The following BICC1 variants were observed in gnomAD, a reference collection of about 807,000 sequenced individuals.
BICC1 encodes the protein protein bicaudal C homolog 1.
A neutral mutation model predicts 111.0 loss-of-function variants in BICC1; 43 were observed. The ratio of observed to expected loss-of-function variants is 0.39; its 90% CI spans 0.30 to 0.50. The LOEUF is 0.50. BICC1 is among the 20% of genes least tolerant of loss of function. BICC1 has a pLI of 0.88. For synonymous variants in BICC1, 467 were observed against 434.4 expected (o/e 1.07, Z -0.93); for missense variants, 1,091 against 1,203.2 (o/e 0.91, Z 1.38).
At chr10:58,783,300 A>G (rs980783482) in intron 3 of BICC1, among the ~76,000 whole-genome samples, 2 of 152,164 alleles carry the variant, frequency 1.3e-5, no homozygotes, top group African/African-American at 4.8e-5. Flanking sequence ...AGCTTGGTGC[A>G]CTGTTATTAA....
At chr10:58,769,188 A>G (rs1201383633) in intron 3 of BICC1, among the ~76,000 whole-genome samples, 1 of 151,772 alleles carries the variant, frequency 6.6e-6, no homozygotes, top group Non-Finnish European at 1.5e-5. Flanking sequence ...CATTTATAAG[A>G]TGAATAAATT....
chr10:58,682,431 AG>A (rs1172206301), intron 2 of BICC1, among the ~76,000 whole-genome samples: 1 of 152,206 alleles, frequency 6.6e-6, no homozygotes, highest in Non-Finnish European at 1.5e-5. Flanking sequence ...TAGATCCTTG[AG>A]GAATTGCCAC....
intron 2 of BICC1, among the ~76,000 whole-genome samples, chr10:58,651,367 C>T (rs896894591): frequency 3.3e-5 from 5 of 152,132 alleles, no homozygotes; most frequent in South Asian, 4.1e-4. Flanking sequence ...GAAAAACCGC[C>T]GGGGAAACTG....
intron 1 of BICC1, among the ~76,000 whole-genome samples, chr10:58,534,202 C>T (rs538062111): frequency 5.3e-5 from 8 of 151,630 alleles, no homozygotes; most frequent in Non-Finnish European, 8.9e-5. Flanking sequence ...CCCAAGATAG[C>T]AGATTGGAGG....
chr10:58,601,168 A>ATATATATATATATATATATC (rs1182289120), intron 1 of BICC1, among the ~76,000 whole-genome samples: 3 of 139,340 alleles, frequency 2.2e-5, no homozygotes, highest in South Asian at 2.3e-4. Context: ...ATATATATAT[A>ATATATATATATATATATATC]TATCTCCCAA....
chr10:58,566,031 G>A (rs987108135), intron 1 of BICC1, among the ~76,000 whole-genome samples: 6 of 151,950 alleles, frequency 3.9e-5, no homozygotes, highest in African/African-American at 1.4e-4. Context: ...ATCCTCATAC[G>A]ATGTTTGGTT....
intron 1 of BICC1, among the ~76,000 whole-genome samples, chr10:58,584,869 T>C (rs556631793): frequency 6.6e-6 from 1 of 152,036 alleles, no homozygotes; most frequent in East Asian, 1.9e-4. Flanking sequence ...TGCGGAAGAG[T>C]TTTACAAAGA....
At chr10:58,543,134 G>C (rs528013976) in intron 1 of BICC1, among the ~76,000 whole-genome samples, 10 of 151,698 alleles carry the variant, frequency 6.6e-5, no homozygotes, top group Admixed American at 5.9e-4. Flanking sequence ...AATCAGCAGA[G>C]ACAGGGATAA....
intron 2 of BICC1, among the ~76,000 whole-genome samples, chr10:58,686,507 A>G (rs2132389008): frequency 6.6e-6 from 1 of 151,960 alleles, no homozygotes; most frequent in East Asian, 1.9e-4. Flanking sequence ...TACACCAGTC[A>G]AATGTAGATT....
At position 58,609,026 on chromosome 10, in the gene BICC1, A is replaced by T. The variant is rs1225461291; in HGVS notation, c.191-11829A>T. On this transcript the variant is annotated intron_variant, in intron 1 of 20. Coordinates refer to ENST00000373886, the MANE Select transcript of BICC1 (RefSeq NM_001080512.3). ...CCTGAACTTTAAACATGCCTGGAAC[A>T]CATTTGGTTCTGATTTAAAACAAGT... Among the ~76,000 whole-genome samples, 3 of 152,338 alleles carry T rather than the reference A, an allele frequency of 2.0e-5. No homozygotes were observed. The East Asian group carries it at 5.8e-4, about 29-fold the overall frequency.
intron 13 of BICC1, among the ~76,000 whole-genome samples, chr10:58,800,637 G>A (rs1258174687): frequency 6.6e-6 from 1 of 152,096 alleles, no homozygotes; most frequent in Non-Finnish European, 1.5e-5. Flanking sequence ...CCCAAGTAGA[G>A]TATCTTTTTA....
At chr10:58,787,208 GATT>G in intron 5 of BICC1, 127 bp downstream of exon 5, 1 of 804,964 alleles carries the variant, frequency 1.2e-6, no homozygotes, top group Non-Finnish European at 1.8e-6. Context: ...ATACAGTGTA[GATT>G]GTACAACTTT....
At chr10:58,644,975 A>C (rs984941455) in intron 2 of BICC1, among the ~76,000 whole-genome samples, 1 of 152,188 alleles carries the variant, frequency 6.6e-6, no homozygotes, top group East Asian at 1.9e-4. Flanking sequence ...TTCACATTCT[A>C]AAAGGTTTAG....
chr10:58,607,263 C>T (rs1011083485), intron 1 of BICC1, among the ~76,000 whole-genome samples: 1 of 137,340 alleles, frequency 7.3e-6, no homozygotes, highest in South Asian at 2.4e-4. Context: ...TTGCAGTGAG[C>T]CGAGATTGTG....
chr10:58,549,585 A>G (rs985647785), intron 1 of BICC1, among the ~76,000 whole-genome samples: 15 of 148,208 alleles, frequency 1.0e-4, no homozygotes, highest in East Asian at 9.9e-4. Context: ...TTTGTCATCT[A>G]TGTATCTTCT....
At chr10:58,814,618 T>TAAAAAAAAAA (rs35500718) in intron 18 of BICC1, among the ~76,000 whole-genome samples, 1 of 114,782 alleles carries the variant, frequency 8.7e-6, no homozygotes, top group Non-Finnish European at 1.8e-5. Context: ...TCATCTCTAC[T>TAAAAAAAAAA]AAAAAAAAAA....
At chr10:58,525,356 A>G (rs1842503149) in intron 1 of BICC1, among the ~76,000 whole-genome samples, 1 of 112,974 alleles carries the variant, frequency 8.9e-6, no homozygotes, top group African/African-American at 2.8e-5. Context: ...AATGTGGCAC[A>G]TATACACCAT....
intron 10 of BICC1, 95 bp downstream of exon 10, chr10:58,796,621 ATT>A: frequency 8.3e-7 from 1 of 1,203,002 alleles, no homozygotes; most frequent in East Asian, 2.7e-5. Context: ...TTTAAAGGCT[ATT>A]TTTTTTTCCT....
intron 9 of BICC1, among the ~76,000 whole-genome samples, chr10:58,795,988 T>A (rs994975117): frequency 6.6e-6 from 1 of 152,204 alleles, no homozygotes; most frequent in Admixed American, 6.5e-5. Context: ...TCTTGCTGTC[T>A]CTTCACAGCT....
Sources: allele counts gnomAD v4.1 joint callset (sites outside exome capture counted in the v4.1 genomes callset), GRCh38; gene constraint gnomAD v4.1.1; transcripts MANE v1.5; gene names NCBI Gene and HGNC (gene_info 2026-07-23, HGNC 2026-07-21).